RASL12: variants seen among roughly 807,000 people sequenced by gnomAD.
RASL12 encodes the protein RAS like family 12, also known as ras-like protein family member 12.
A neutral mutation model predicts 22.9 loss-of-function variants in RASL12; 16 were observed. The observed-to-expected ratio is 0.70, with a 90% CI of 0.47 to 1.06. The LOEUF is 1.06. Ranked by LOEUF, RASL12 falls within the 50% of genes least tolerant of loss-of-function variation. The pLI is 0.00. For synonymous variants in RASL12, 159 were observed against 152.2 expected (o/e 1.04, Z -0.33); for missense variants, 306 against 353.1 (o/e 0.87, Z 1.07).
At position 65,067,713 on chromosome 15, in the gene RASL12, G is replaced by A. The variant is rs1228838977; in HGVS notation, c.103+20C>T. Reference sequence around the variant, plus strand: ...GCCCAGCTCCGCACTTGGCGGCTCAGGCTCCCCGGCGCCACTCACCAGACT... The same window carrying A: ...GCCCAGCTCCGCACTTGGCGGCTCAAGCTCCCCGGCGCCACTCACCAGACT... On this transcript the variant is annotated intron_variant, in intron 1 of 4. Coordinates refer to ENST00000220062, the MANE Select transcript of RASL12 (RefSeq NM_016563.4). 2 of 1,537,262 alleles carry A rather than the reference G, an allele frequency of 1.3e-6. No individual in the cohort carries two copies. The highest frequency in any genetic ancestry group is 2.4e-5 in the South Asian group (2 of 84,088).
Position 65,053,400 on chromosome 15 carries a change from GT to G in RASL12, c.*1498del. 2 of 1,339,054 alleles carry G rather than the reference GT, an allele frequency of 1.5e-6. No homozygotes were observed. Among genetic ancestry groups the G allele is most frequent in the Non-Finnish European group, 1.9e-6 (2 of 1,046,250 alleles). The allele number at this position is 1,339,054 out of a possible 1,614,324, so 82.9% of individuals were successfully genotyped here. ...GGAAGGGAGCAGGTGGTATTGCATA[GT>G]TTGTTCAGATGGCAGTGGTACACAC... On this transcript the variant is annotated 3_prime_UTR_variant, in exon 5 of 5. Coordinates refer to ENST00000220062, the MANE Select transcript of RASL12 (RefSeq NM_016563.4).
At chr15:65,070,289 A>G (rs1054940900), upstream of RASL12, among the ~76,000 whole-genome samples, 2 of 152,230 alleles carry the variant, frequency 1.3e-5, no homozygotes, top group Non-Finnish European at 2.9e-5. Context: ...AAACAGGGAC[A>G]ATATCAATAA....
downstream of RASL12, chr15:65,053,164 G>C: frequency 1.2e-6 from 2 of 1,613,782 alleles, no homozygotes; most frequent in Non-Finnish European, 1.7e-6. Context: ...CTGAGAGCTA[G>C]TGAGGGTTCA....
chr15:65,045,909 T>C, the RASL12 span, among the ~76,000 whole-genome samples: 1 of 152,258 alleles, frequency 6.6e-6, no homozygotes, highest in East Asian at 1.9e-4. Context: ...CTCACGCCTG[T>C]AATTCCAGCA....
chr15:65,054,871 C>G lies in RASL12; in HGVS notation c.*28G>C. On this transcript the variant is annotated 3_prime_UTR_variant, in exon 5 of 5. Transcript: ENST00000220062. ...TCCTGCTGCAGTCCTGTCCAGCCAC[C>G]GAGCCTAGGCTTCCTGGGGAGGGGG... 6.3e-7 allele frequency: 1 copy of G among 1,588,102 alleles called. No individual in the cohort carries two copies. The highest frequency in any genetic ancestry group is 2.2e-5 in the East Asian group (1 of 44,578).
chr15:65,046,638 C>T, the RASL12 span, among the ~76,000 whole-genome samples: 14 of 151,670 alleles, frequency 9.2e-5, no homozygotes, highest in Non-Finnish European at 1.3e-4. Flanking sequence ...TTTGGCCAGG[C>T]GCGGTGGCTC....
Position 65,054,322 on chromosome 15 carries a change from A to G in RASL12, c.*577T>C, listed in dbSNP as rs774485385. On this transcript the variant is annotated 3_prime_UTR_variant, in exon 5 of 5. Coordinates refer to ENST00000220062, the MANE Select transcript of RASL12 (RefSeq NM_016563.4). ...ATACCCCTTCCTGGGGCTTCTGTCC[A>G]TTGGATTATTTTAACTAGATTTTCC... is the stretch of plus-strand genomic sequence containing the variant. 8 of 985,692 alleles carry G rather than the reference A, an allele frequency of 8.1e-6. No homozygotes were observed. Among genetic ancestry groups the G allele is most frequent in the Non-Finnish European group, 9.6e-6 (8 of 830,152 alleles). The allele number at this position is 985,692 out of a possible 1,614,324, so 61.1% of individuals were successfully genotyped here. A position where few individuals can be genotyped will look rare whatever the true frequency, so the allele number is the denominator to read the frequency against.
intron 1 of RASL12, chr15:65,076,431 G>C: frequency 1.8e-6 from 1 of 543,734 alleles, no homozygotes; most frequent in East Asian, 3.2e-5. Flanking sequence ...CTGAGCCAGC[G>C]AGACCATGAA....
rs1412102038 is a variant in RASL12 at position 65,058,463 on chromosome 15, A to C, written c.389T>G (p.Leu130Arg). Reference protein sequence around the residue: ...AKETQRSIPALLLGNKLDMAQ... With the variant: ...AKETQRSIPARLLGNKLDMAQ... ...CATGTCCAGCTTGTTGCCCAGCAGC[A>C]GGGCAGGGATGCTGCGCTGTGTCTC... Residue 130 changes from leucine (L) to arginine (R), a missense_variant, in exon 4 of 5, where the codon CTG becomes CGG. Physicochemically the swap from Leu to Arg is moderately radical, Grantham distance 102. Transcript: ENST00000220062. The C allele has an allele frequency of 1.3e-6, 2 of 1,586,566 alleles. No individual in the cohort carries two copies. The highest frequency in any genetic ancestry group is 1.7e-6 in the Non-Finnish European group (2 of 1,161,616).
intron 4 of RASL12, among the ~76,000 whole-genome samples, chr15:65,055,593 T>G (rs1405048452): frequency 6.6e-6 from 1 of 152,150 alleles, no homozygotes; most frequent in Non-Finnish European, 1.5e-5. Context: ...CCAAATCCCC[T>G]ATGCTAGACC....
chr15:65,047,007 C>G, the RASL12 span, among the ~76,000 whole-genome samples: 1 of 152,128 alleles, frequency 6.6e-6, no homozygotes, highest in Non-Finnish European at 1.5e-5. Flanking sequence ...AATTAAATAT[C>G]AAAAATTGGA....
intron 2 of RASL12, among the ~76,000 whole-genome samples, chr15:65,061,188 T>C (rs2086799188): frequency 1.6e-5 from 1 of 62,822 alleles, no homozygotes; most frequent in African/African-American, 4.2e-5. Flanking sequence ...TGTAGAGAGA[T>C]GGCAAGGTGA....
chr15:65,051,392 A>T, downstream of RASL12: 1 of 848,398 alleles, frequency 1.2e-6, no homozygotes, highest in Non-Finnish European at 1.9e-6. Flanking sequence ...ATCTTTGATT[A>T]GGGTCTCCAC....
intron 2 of RASL12, among the ~76,000 whole-genome samples, chr15:65,064,857 G>A (rs1044764300): frequency 1.3e-5 from 2 of 152,234 alleles, no homozygotes; most frequent in Non-Finnish European, 2.9e-5. Flanking sequence ...GCCTCCCAAA[G>A]TGCTGAGATT....
intron 3 of RASL12, 137 bp from the exon 4 acceptor site, chr15:65,058,754 C>T (rs894585534): frequency 3.2e-6 from 2 of 629,478 alleles, no homozygotes; most frequent in Admixed American, 7.3e-5. Context: ...CAAAGGGGCA[C>T]TTGAGTGTGG....
chr15:65,076,625 C>A, exon 1 of RASL12: 1 of 701,386 alleles, frequency 1.4e-6, no homozygotes, highest in Admixed American at 2.0e-5. Flanking sequence ...AGTGATCACA[C>A]AGGTCTCCAG....
upstream of RASL12, among the ~76,000 whole-genome samples, chr15:65,070,739 G>C (rs375153962): frequency 1.3e-5 from 2 of 152,218 alleles, no homozygotes; most frequent in African/African-American, 2.4e-5. Context: ...ATAAAGCTAA[G>C]CTTTTGGTAC....
chr15:65,066,324 C>T (rs2086879103), intron 1 of RASL12, among the ~76,000 whole-genome samples: 1 of 151,976 alleles, frequency 6.6e-6, no homozygotes, highest in Admixed American at 6.5e-5. Context: ...TTGAGACCAG[C>T]CTGGGCAATG....
chr15:65,064,890 G>A (rs954272356), intron 2 of RASL12, among the ~76,000 whole-genome samples: 2 of 152,150 alleles, frequency 1.3e-5, no homozygotes, highest in African/African-American at 2.4e-5. Flanking sequence ...CACCGCACCC[G>A]GCCCAAGAAT....
Sources: gnomAD v4.1 joint callset for allele counts (sites outside exome capture counted in the v4.1 genomes callset) on GRCh38, gnomAD v4.1.1 for gene constraint, MANE v1.5 for transcripts, NCBI Gene and HGNC (gene_info 2026-07-23, HGNC 2026-07-21) for gene names.